The following TFDP2 variants were observed in gnomAD, a reference collection of about 807,000 sequenced individuals.
The protein encoded by TFDP2 is transcription factor Dp-2.
In TFDP2, 17 loss-of-function variants were observed where a neutral mutation model predicts 59.3. That is an observed-to-expected ratio of 0.29 (90% CI 0.20 to 0.43). TFDP2 has a LOEUF of 0.43. Ranked by LOEUF, TFDP2 falls within the 20% of genes least tolerant of loss-of-function variation. TFDP2 has a pLI of 1.00. For synonymous variants in TFDP2, 180 were observed against 194.7 expected (o/e 0.92, Z 0.63); for missense variants, 391 against 528.8 (o/e 0.74, Z 2.56).
chr3:142,118,548 A>C (rs924579184), intron 1 of TFDP2, among the ~76,000 whole-genome samples: 22 of 152,216 alleles, frequency 1.4e-4, no homozygotes, highest in African/African-American at 5.3e-4. Context: ...AGAGCTGATT[A>C]AAGAAATAGA....
At chr3:142,080,027 G>A (rs1207478380) in intron 3 of TFDP2, among the ~76,000 whole-genome samples, 3 of 152,110 alleles carry the variant, frequency 2.0e-5, no homozygotes, top group Admixed American at 1.3e-4. Context: ...GCAGTGGCAC[G>A]ATCTCGGCTC....
chr3:142,025,007 C>A (rs1023915968), intron 3 of TFDP2, among the ~76,000 whole-genome samples: 1 of 144,776 alleles, frequency 6.9e-6, no homozygotes, highest in African/African-American at 2.6e-5. Flanking sequence ...GCGACAACAG[C>A]GAGACTCTGT....
chr3:141,948,932 G>C lies in TFDP2; in HGVS notation c.*3581C>G, dbSNP rs552704199. The C allele has an allele frequency of 6.6e-6, 1 of 151,848 alleles. No homozygotes were observed. Among genetic ancestry groups the C allele is most frequent in the African/African-American group, 2.4e-5 (1 of 41,254 alleles). 9.4% of individuals were successfully genotyped at this position (151,848 alleles called of 1,614,324 possible). A position where few individuals can be genotyped will look rare whatever the true frequency, so the allele number is the denominator to read the frequency against. ...ATCCTGGCTAACACGGTGAAACCCCGTCTCTACTAAAAATACAAAAAAAAT... is the reference window on the plus strand; with the variant it reads ...ATCCTGGCTAACACGGTGAAACCCCCTCTCTACTAAAAATACAAAAAAAAT... On this transcript the variant is annotated 3_prime_UTR_variant, in exon 13 of 13. Transcript: ENST00000489671.
intron 1 of TFDP2, among the ~76,000 whole-genome samples, chr3:142,104,226 A>G (rs996751335): frequency 6.6e-6 from 1 of 152,228 alleles, no homozygotes; most frequent in Admixed American, 6.5e-5. Context: ...ACATTTATCA[A>G]TTATTTCTTA....
chr3:141,944,786 G>A lies in TFDP2; in HGVS notation c.*7727C>T, dbSNP rs1261784539. On this transcript the variant is annotated 3_prime_UTR_variant, in exon 13 of 13. Coordinates refer to ENST00000489671, the MANE Select transcript of TFDP2 (RefSeq NM_001178139.2). ...CAGAAGCAATTTCAGAAAATCAGGA[G>A]TAATTACGTATACAGAAATAGCTCT... The A allele has an allele frequency of 6.6e-6, 1 of 152,174 alleles. No individual in the cohort carries two copies. The highest frequency in any genetic ancestry group is 6.5e-5 in the Admixed American group (1 of 15,274). 9.4% of individuals were successfully genotyped at this position (152,174 alleles called of 1,614,324 possible).
At chr3:142,125,114 G>A (rs113834031) in intron 1 of TFDP2, among the ~76,000 whole-genome samples, 1 of 152,272 alleles carries the variant, frequency 6.6e-6, no homozygotes, top group African/African-American at 2.4e-5. Context: ...GCTGAGGCAG[G>A]AGGATCATTT....
At position 142,075,315 on chromosome 3, in the gene TFDP2, G is replaced by A. The variant is rs115402281; in HGVS notation, c.82+17746C>T. Among the ~76,000 whole-genome samples, 447 of 152,208 alleles carry A rather than the reference G, an allele frequency of 2.9e-3. 7 individuals carry two copies. Among genetic ancestry groups the A allele is most frequent in the African/African-American group, 0.01 (426 of 41,542 alleles). The stretch of plus-strand genomic sequence containing the variant: ...TCTGCAAATGATATATCTGAAAAGA[G>A]GTTAATATCCAGAATATATAAAGAA... On this transcript the variant is annotated intron_variant, in intron 3 of 12. Coordinates refer to ENST00000489671, the MANE Select transcript of TFDP2 (RefSeq NM_001178139.2).
chr3:141,976,128 C>T lies in TFDP2; in HGVS notation c.520-1937G>A, dbSNP rs1453568301. Among the ~76,000 whole-genome samples the T allele has an allele frequency of 2.0e-5, 3 of 152,160 alleles. No individual in the cohort carries two copies. The South Asian group carries it at 6.2e-4, about 31-fold the overall frequency. ...ACTCCTGACAGTGTGATCCGTCCAC[C>T]TCGGCCTCCCAAAGTGCTGGGATTA... On this transcript the variant is annotated intron_variant, in intron 7 of 12. Coordinates refer to ENST00000489671, the MANE Select transcript of TFDP2 (RefSeq NM_001178139.2).
chr3:142,093,727 A>G (rs2061073408), intron 2 of TFDP2, among the ~76,000 whole-genome samples: 1 of 152,212 alleles, frequency 6.6e-6, no homozygotes, highest in Non-Finnish European at 1.5e-5. Flanking sequence ...ACCACAATGC[A>G]GAAGTAAAAT....
In TFDP2 at chr3:142,101,818, T is replaced by C; in HGVS notation, c.-69A>G. ...AATAAAAAGAAAAAAACCTTCGTCT[T>C]CAATAATTCTTTAAAAGAACAACCT... is the stretch of plus-strand genomic sequence containing the variant. On this transcript the variant is annotated 5_prime_UTR_variant, in exon 2 of 13. Transcript: ENST00000489671. The C allele has an allele frequency of 2.1e-6, 2 of 933,252 alleles. No homozygotes were observed. Among genetic ancestry groups the C allele is most frequent in the Middle Eastern group, 2.3e-4 (1 of 4,318 alleles). The allele number at this position is 933,252 out of a possible 1,614,324, so 57.8% of individuals were successfully genotyped here.
At chr3:142,087,685 A>G (rs1331905408) in intron 3 of TFDP2, among the ~76,000 whole-genome samples, 1 of 151,842 alleles carries the variant, frequency 6.6e-6, no homozygotes, top group East Asian at 1.9e-4. Context: ...TAATTTTTGT[A>G]GAGGTGGGGT....
chr3:142,084,726 GA>G (rs1286207107), intron 3 of TFDP2, among the ~76,000 whole-genome samples: 1 of 151,648 alleles, frequency 6.6e-6, no homozygotes, highest in East Asian at 1.9e-4. Flanking sequence ...GGCATGGAAA[GA>G]TAAACTTCAC....
intron 5 of TFDP2, 77 bp downstream of exon 5, chr3:141,994,938 AAGAAC>A (rs1343517646): frequency 1.6e-6 from 2 of 1,274,592 alleles, no homozygotes; most frequent in Non-Finnish European, 2.1e-6. Flanking sequence ...AAACTAAAAC[AAGAAC>A]AGAAGACAAG....
Position 141,953,046 on chromosome 3 carries a change from C to T in TFDP2, c.1052-30G>A, listed in dbSNP as rs765152882. 36 of 1,543,680 alleles carry T rather than the reference C, an allele frequency of 2.3e-5. 1 individual carries two copies. The highest frequency in any genetic ancestry group is 1.3e-4 in the South Asian group (12 of 89,058). On this transcript the variant is annotated intron_variant, in intron 11 of 12. Transcript: ENST00000489671. ...AGGAAAAAATGAGAACAAAAAATGT[C>T]GGTCCTGCAAGTTCTGTGGCTGCTG... is the stretch of plus-strand genomic sequence containing the variant.
chr3:141,959,925 TG>T, intron 10 of TFDP2, 85 bp from the exon 11 acceptor site: 2 of 1,357,984 alleles, frequency 1.5e-6, no homozygotes, highest in East Asian at 2.3e-5. Flanking sequence ...AGTAACAGAA[TG>T]GGGGCCTAAA....
intron 1 of TFDP2, among the ~76,000 whole-genome samples, chr3:142,127,855 A>G (rs1489370534): frequency 6.6e-6 from 1 of 152,216 alleles, no homozygotes; most frequent in African/African-American, 2.4e-5. Flanking sequence ...GGCTGTTAAT[A>G]AAAAGACTTG....
intron 1 of TFDP2, chr3:142,145,344 G>T (rs2063131290): frequency 1.3e-5 from 2 of 152,148 alleles, no homozygotes; most frequent in African/African-American, 4.8e-5. Flanking sequence ...CAAAAAAAGA[G>T]AAATGGGATC....
Position 142,027,479 on chromosome 3 carries a change from C to T in TFDP2, c.83-21935G>A, listed in dbSNP as rs551061051. On this transcript the variant is annotated intron_variant, in intron 3 of 12. Transcript: ENST00000489671. The stretch of plus-strand genomic sequence containing the variant: ...AAAGAAGAAAGACTCTCTGCCTGAC[C>T]TCCTCTCCCTCTCCCTCTCCCTCTC... Among the ~76,000 whole-genome samples the T allele has an allele frequency of 2.0e-5, 3 of 147,454 alleles. 1 individual carries two copies. In the South Asian group the frequency reaches 6.5e-4, roughly 32 times the overall value.
intron 3 of TFDP2, among the ~76,000 whole-genome samples, chr3:142,062,904 A>G: frequency 6.6e-6 from 1 of 152,336 alleles, no homozygotes; most frequent in East Asian, 1.9e-4. Context: ...GTATGATTAC[A>G]TTTATATAAA....
Sources: gnomAD v4.1 joint callset for allele counts (sites outside exome capture counted in the v4.1 genomes callset) on GRCh38, gnomAD v4.1.1 for gene constraint, MANE v1.5 for transcripts, NCBI Gene and HGNC (gene_info 2026-07-23, HGNC 2026-07-21) for gene names.